AR: variants seen among roughly 807,000 people sequenced by gnomAD.
AR encodes the protein androgen receptor.
AR carries 8 observed loss-of-function variants against 53.9 expected under a neutral mutation model. The ratio of observed to expected loss-of-function variants is 0.15; its 90% CI spans 0.09 to 0.27. The LOEUF is 0.27. Among genes scored for constraint, AR ranks in the 10% least tolerant of loss-of-function variants. The probability of loss-of-function intolerance (pLI) is 1.00; values close to 1 mark genes in which losing one functional copy is unlikely to be tolerated. For missense variants in AR, 639 were observed against 742.5 expected, an observed-to-expected ratio of 0.86 and a Z score of 1.62; for synonymous variants, 359 against 316.4, an observed-to-expected ratio of 1.13 and a Z score of -1.43.
chrX:67,669,396 CAG>C (rs1479294194), intron 2 of AR, among the ~76,000 whole-genome samples: 1 of 111,329 alleles, frequency 9.0e-6, no homozygotes, highest in East Asian at 2.8e-4. Context: ...CCATTGTGGT[CAG>C]AGAAGAAGCT....
intron 1 of AR, among the ~76,000 whole-genome samples, chrX:67,616,878 C>T (rs1428453861): frequency 1.8e-5 from 2 of 111,157 alleles, no homozygotes; most frequent in Non-Finnish European, 3.8e-5. Context: ...GTTTTGAAGG[C>T]AAAGCGCCTG....
At chrX:67,608,226 C>T (rs979692722) in intron 1 of AR, among the ~76,000 whole-genome samples, 2 of 111,837 alleles carry the variant, frequency 1.8e-5, no homozygotes, top group Non-Finnish European at 3.8e-5. Flanking sequence ...TTGGTATCTG[C>T]GAGATGGAAG....
intron 4 of AR, 57 bp from the exon 5 acceptor site, chrX:67,717,421 C>T (rs2076117845): frequency 8.3e-7 from 1 of 1,201,684 alleles, no homozygotes; most frequent in East Asian, 3.0e-5. Context: ...GGGACTCAGA[C>T]TTAGCTCAAC....
chrX:67,678,595 G>A (rs1217322293), intron 2 of AR, among the ~76,000 whole-genome samples: 2 of 111,754 alleles, frequency 1.8e-5, no homozygotes, highest in Non-Finnish European at 3.8e-5. Flanking sequence ...TAAACTGCAT[G>A]TCAGAGAGGT....
intron 3 of AR, chrX:67,695,256 T>C: frequency 1.3e-6 from 1 of 754,519 alleles, no homozygotes. Context: ...TCTAGCCTTC[T>C]GGATCCCAGC....
Position 67,626,610 on chromosome X carries a change from T to TTATATA in AR, c.1617-16626_1617-16621dup, listed in dbSNP as rs201252311. ...CACCCGCCACCATGCCCGACTAATTTTATATATATATATATATATATATAT... is the reference window on the plus strand; with the variant it reads ...CACCCGCCACCATGCCCGACTAATTTTATATATATATATATATATATATATATATAT... On this transcript the variant is annotated intron_variant, in intron 1 of 7. Transcript: ENST00000374690. Among the ~76,000 whole-genome samples the TTATATA allele has an allele frequency of 5.3e-3, 454 of 85,131 alleles. 5 individuals carry two copies. The highest frequency in any genetic ancestry group is 0.019 in the African/African-American group (432 of 23,145). The allele number at this position is 85,131 out of a possible 115,157, so 73.9% of individuals were successfully genotyped here.
At chrX:67,674,511 G>A (rs2075887309) in intron 2 of AR, among the ~76,000 whole-genome samples, 2 of 111,065 alleles carry the variant, frequency 1.8e-5, no homozygotes, top group Admixed American at 1.9e-4. Flanking sequence ...CAATCCATAA[G>A]ACAAAGATTT....
intron 6 of AR, 101 bp from the exon 7 acceptor site, chrX:67,722,726 G>A (rs1296956941): frequency 2.0e-6 from 2 of 1,011,304 alleles, no homozygotes; most frequent in Non-Finnish European, 2.8e-6. Context: ...GGTTCCCTGT[G>A]GGGGTGGGGG....
At chrX:67,685,407 T>G (rs756578077) in intron 2 of AR, among the ~76,000 whole-genome samples, 1 of 111,665 alleles carries the variant, frequency 9.0e-6, no homozygotes, top group East Asian at 2.8e-4. Context: ...AACTTCCTTT[T>G]ACTTGCTGTG....
At chrX:67,631,217 T>C (rs1569288700) in intron 1 of AR, among the ~76,000 whole-genome samples, 1 of 111,739 alleles carries the variant, frequency 8.9e-6, no homozygotes, top group Non-Finnish European at 1.9e-5. Context: ...TTCTCCTGGA[T>C]AATATCCTGC....
rs191798952 is a variant in AR, at chrX:67,725,835, G to A, written c.*1994G>A. The stretch of plus-strand genomic sequence containing the variant: ...ACTTTGCCACCCATGAACTCAGGGT[G>A]TGCCCTGGGACACTGGTTTTATATA... On this transcript the variant is annotated 3_prime_UTR_variant, in exon 8 of 8. Transcript: ENST00000374690. The A allele has an allele frequency of 5.7e-6, 1 of 174,192 alleles. No homozygotes were observed. The highest frequency in any genetic ancestry group is 1.1e-5 in the Non-Finnish European group (1 of 91,568). The allele number at this position is 174,192 out of a possible 1,213,427, so 14.4% of individuals were successfully genotyped here. A position where few individuals can be genotyped will look rare whatever the true frequency, so the allele number is the denominator to read the frequency against.
At chrX:67,651,767 G>T (rs1926359898) in intron 2 of AR, among the ~76,000 whole-genome samples, 1 of 111,933 alleles carries the variant, frequency 8.9e-6, no homozygotes. Flanking sequence ...TAAAACCGCT[G>T]GTAGTTCATC....
At chrX:67,702,300 G>A (rs988714463) in intron 3 of AR, among the ~76,000 whole-genome samples, 3 of 111,772 alleles carry the variant, frequency 2.7e-5, no homozygotes, top group Non-Finnish European at 5.6e-5. Context: ...GAAAGGTCCA[G>A]TAATGGGGAA....
intron 2 of AR, among the ~76,000 whole-genome samples, chrX:67,655,953 C>T (rs772804788): frequency 4.5e-5 from 5 of 112,060 alleles, no homozygotes; most frequent in Admixed American, 9.5e-5. Flanking sequence ...TTGTCTGTTG[C>T]TATTTATACG....
chrX:67,676,509 T>A (rs977283348), intron 2 of AR, among the ~76,000 whole-genome samples: 2 of 112,356 alleles, frequency 1.8e-5, no homozygotes, highest in Admixed American at 1.9e-4. Flanking sequence ...TGATCAGTAG[T>A]CAGAAAATGG....
At chrX:67,600,458 A>G (rs938264661) in intron 1 of AR, among the ~76,000 whole-genome samples, 4 of 110,950 alleles carry the variant, frequency 3.6e-5, no homozygotes, top group African/African-American at 1.3e-4. Flanking sequence ...CAAACATTGC[A>G]TGTTCTCATT....
intron 1 of AR, among the ~76,000 whole-genome samples, chrX:67,583,161 A>T (rs1922369734): frequency 8.9e-6 from 1 of 112,092 alleles, no homozygotes; most frequent in Non-Finnish European, 1.9e-5. Flanking sequence ...GCTACTATGA[A>T]ATCTCTGTTC....
At chrX:67,642,174 C>T (rs1303045518) in intron 1 of AR, among the ~76,000 whole-genome samples, 1 of 111,707 alleles carries the variant, frequency 9.0e-6, no homozygotes, top group East Asian at 2.8e-4. Context: ...AGCAGTTGTG[C>T]TCTTGTGAAT....
intron 1 of AR, among the ~76,000 whole-genome samples, chrX:67,628,801 A>T (rs1924867494): frequency 9.0e-6 from 1 of 111,604 alleles, no homozygotes. Context: ...ATTATTTTAA[A>T]ATACGGCCCA....
Sources: allele counts gnomAD v4.1 joint callset (sites outside exome capture counted in the v4.1 genomes callset), GRCh38; gene constraint gnomAD v4.1.1; transcripts MANE v1.5; gene names NCBI Gene and HGNC (gene_info 2026-07-23, HGNC 2026-07-21).